BTBD9: variants seen among roughly 807,000 people sequenced by gnomAD.
BTBD9 encodes BTB/POZ domain-containing protein 9.
Under a neutral mutation model 64.3 loss-of-function variants are expected in BTBD9, and 49 were observed. The observed-to-expected ratio is 0.76, with a 90% CI of 0.61 to 0.97. BTBD9 has a LOEUF of 0.97. Ranked by LOEUF, BTBD9 falls within the 50% of genes least tolerant of loss-of-function variation. The pLI is 0.00. For missense variants in BTBD9, 598 were observed against 762.1 expected, an observed-to-expected ratio of 0.78 and a Z score of 2.53; for synonymous variants, 260 against 274.7, an observed-to-expected ratio of 0.95 and a Z score of 0.53.
intron 6 of BTBD9, among the ~76,000 whole-genome samples, chr6:38,365,734 G>A (rs1765156921): frequency 6.7e-6 from 1 of 149,036 alleles, no homozygotes; most frequent in African/African-American, 2.5e-5. Flanking sequence ...CCTTCAGCCT[G>A]GGCAACAGAG....
At chr6:38,543,027 TA>T (rs1774358412) in intron 6 of BTBD9, among the ~76,000 whole-genome samples, 1 of 152,194 alleles carries the variant, frequency 6.6e-6, no homozygotes, top group African/African-American at 2.4e-5. Flanking sequence ...AACTCTTACC[TA>T]AAAGGCCTTA....
At chr6:38,307,106 AC>A (rs1762653975) in intron 7 of BTBD9, among the ~76,000 whole-genome samples, 1 of 152,164 alleles carries the variant, frequency 6.6e-6, no homozygotes, top group South Asian at 2.1e-4. Context: ...AAAGGAGGAA[AC>A]ACACCAGTGG....
chr6:38,471,529 T>C (rs1233770730), intron 6 of BTBD9, among the ~76,000 whole-genome samples: 1 of 152,100 alleles, frequency 6.6e-6, no homozygotes, highest in African/African-American at 2.4e-5. Flanking sequence ...AAGTGACTTG[T>C]ACTGACTAAA....
rs1469074198 is a variant in BTBD9, at chr6:38,288,376, C to T, written c.1350G>A (p.Gly450=). The part of the protein sequence containing the change: ...VSRSRNALLN[G]DTKNYDWDSG... Reference sequence around the variant, plus strand: ...AATCCCAGTCATAATTCTTAGTGTCCCCATTCAGCAAGGCATTTCGGCTCC... The same window carrying T: ...AATCCCAGTCATAATTCTTAGTGTCTCCATTCAGCAAGGCATTTCGGCTCC... Residue 450 remains glycine, a synonymous_variant, in exon 8 of 11, where the codon GGG becomes GGA. Coordinates refer to ENST00000481247, the MANE Select transcript of BTBD9 (RefSeq NM_001099272.2). 6.2e-7 allele frequency: 1 copy of T among 1,614,092 alleles called. No homozygotes were observed. The highest frequency in any genetic ancestry group is 8.5e-7 in the Non-Finnish European group (1 of 1,180,006).
intron 6 of BTBD9, among the ~76,000 whole-genome samples, chr6:38,549,383 G>A (rs1199115544): frequency 6.6e-6 from 1 of 152,170 alleles, no homozygotes; most frequent in East Asian, 1.9e-4. Flanking sequence ...ATTGCCCCAA[G>A]TCTTAGGAAA....
chr6:38,585,160 C>T (rs1776458044), intron 4 of BTBD9, among the ~76,000 whole-genome samples: 1 of 152,140 alleles, frequency 6.6e-6, no homozygotes, highest in African/African-American at 2.4e-5. Flanking sequence ...ACCGACACTA[C>T]ACACTCCCAT....
At chr6:38,613,348 A>G (rs1016730230) in intron 1 of BTBD9, among the ~76,000 whole-genome samples, 13 of 152,244 alleles carry the variant, frequency 8.5e-5, no homozygotes, top group African/African-American at 3.1e-4. Context: ...CAGGCCGGGC[A>G]TGGTGACTCA....
At chr6:38,356,337 T>C (rs1764727893) in intron 6 of BTBD9, among the ~76,000 whole-genome samples, 1 of 152,172 alleles carries the variant, frequency 6.6e-6, no homozygotes, top group Admixed American at 6.5e-5. Flanking sequence ...TATGAAACTC[T>C]TAGTTTTCAG....
chr6:38,371,564 C>G (rs1174292829), intron 6 of BTBD9, among the ~76,000 whole-genome samples: 1 of 152,184 alleles, frequency 6.6e-6, no homozygotes, highest in African/African-American at 2.4e-5. Flanking sequence ...GATGACTTCT[C>G]AAGGTCACTG....
At chr6:38,591,276 A>C (rs1776778179) in intron 4 of BTBD9, among the ~76,000 whole-genome samples, 1 of 152,138 alleles carries the variant, frequency 6.6e-6, no homozygotes, top group Non-Finnish European at 1.5e-5. Flanking sequence ...GTCTCTTCAA[A>C]TGCTCTAACC....
At chr6:38,559,829 A>G in intron 6 of BTBD9, among the ~76,000 whole-genome samples, 1 of 152,236 alleles carries the variant, frequency 6.6e-6, no homozygotes, top group Middle Eastern at 3.2e-3. Context: ...CGAGGGGGAA[A>G]GAATTCCCTA....
At chr6:38,380,402 C>T (rs183309990) in intron 6 of BTBD9, among the ~76,000 whole-genome samples, 1 of 152,168 alleles carries the variant, frequency 6.6e-6, no homozygotes, top group African/African-American at 2.4e-5. Context: ...ATGCTAAACA[C>T]ACATTGACTA....
At chr6:38,476,645 A>C (rs1356394460) in intron 6 of BTBD9, among the ~76,000 whole-genome samples, 1 of 152,256 alleles carries the variant, frequency 6.6e-6, no homozygotes, top group Non-Finnish European at 1.5e-5. Context: ...AATACTTTCA[A>C]GTAAAAATAA....
chr6:38,360,959 A>C (rs1764929597), intron 6 of BTBD9, among the ~76,000 whole-genome samples: 1 of 152,162 alleles, frequency 6.6e-6, no homozygotes, highest in South Asian at 2.1e-4. Flanking sequence ...TGCTGCTTCC[A>C]ATCAGTGTAA....
At chr6:38,571,646 T>C (rs1051127756) in intron 6 of BTBD9, 21 of 152,178 alleles carry the variant, frequency 1.4e-4, no homozygotes, top group African/African-American at 4.3e-4. Context: ...AAAGAAAATA[T>C]TTAGATGTTG....
At chr6:38,367,154 C>T (rs1426316059) in intron 6 of BTBD9, among the ~76,000 whole-genome samples, 3 of 152,192 alleles carry the variant, frequency 2.0e-5, no homozygotes, top group Non-Finnish European at 2.9e-5. Flanking sequence ...GCTGATCCTG[C>T]TTTCCCCTTC....
At chr6:38,330,788 A>G (rs909025666) in intron 7 of BTBD9, among the ~76,000 whole-genome samples, 2 of 152,182 alleles carry the variant, frequency 1.3e-5, no homozygotes, top group African/African-American at 4.8e-5. Context: ...TGAAACAAAG[A>G]ATAAAATAAG....
intron 8 of BTBD9, among the ~76,000 whole-genome samples, chr6:38,257,243 G>T (rs1764623776): frequency 1.3e-5 from 2 of 150,856 alleles, no homozygotes; most frequent in Non-Finnish European, 2.9e-5. Flanking sequence ...TCACCCTGCT[G>T]CCCAGACTGG....
chr6:38,332,300 T>C (rs1282700413), intron 7 of BTBD9, among the ~76,000 whole-genome samples: 1 of 152,226 alleles, frequency 6.6e-6, no homozygotes. Context: ...TGGAGTCACA[T>C]TGTAAAATCT....
Sources: gnomAD v4.1 joint callset for allele counts (sites outside exome capture counted in the v4.1 genomes callset) on GRCh38, gnomAD v4.1.1 for gene constraint, MANE v1.5 for transcripts, NCBI Gene and HGNC (gene_info 2026-07-23, HGNC 2026-07-21) for gene names.